Variants in SLC25A13 observed in about 807,000 individuals in gnomAD.
The protein encoded by SLC25A13 is electrogenic aspartate/glutamate antiporter SLC25A13, mitochondrial.
Under a neutral mutation model 85.5 loss-of-function variants are expected in SLC25A13, and 70 were observed. The ratio of observed to expected loss-of-function variants is 0.82; its 90% CI spans 0.68 to 1.00. The LOEUF (loss-of-function observed/expected upper bound fraction) is 1.00. Among genes scored for constraint, SLC25A13 ranks in the 50% least tolerant of loss-of-function variants. SLC25A13 has a pLI of 0.00. For synonymous variants in SLC25A13, 259 were observed against 288.7 expected (o/e 0.90, Z 1.04); for missense variants, 765 against 819.8 (o/e 0.93, Z 0.82).
chr7:96,146,439 A>T (rs1421676123), intron 14 of SLC25A13, 117 bp downstream of exon 14: 8 of 1,366,788 alleles, frequency 5.9e-6, no homozygotes, highest in Non-Finnish European at 8.1e-6. Context: ...GCTTGGGTAG[A>T]ACATCTTCTC....
chr7:96,198,489 C>T (rs1179384053), intron 5 of SLC25A13, among the ~76,000 whole-genome samples: 1 of 152,208 alleles, frequency 6.6e-6, no homozygotes, highest in African/African-American at 2.4e-5. Context: ...ATGCCAAGAA[C>T]TTCAAAGACA....
chr7:96,133,267 C>T (rs565519370), intron 14 of SLC25A13, among the ~76,000 whole-genome samples: 25 of 152,170 alleles, frequency 1.6e-4, no homozygotes, highest in Non-Finnish European at 3.7e-4. Flanking sequence ...TACTGCCAAC[C>T]GGCTCAGGCT....
intron 1 of SLC25A13, among the ~76,000 whole-genome samples, chr7:96,303,210 C>T (rs948046075): frequency 1.3e-5 from 2 of 152,118 alleles, no homozygotes; most frequent in Non-Finnish European, 2.9e-5. Flanking sequence ...CCCAGTCACC[C>T]TCCCAAACCT....
rs1403481477 is a variant in SLC25A13 at position 96,170,082 on chromosome 7, G to A, written c.1274C>T (p.Ser425Leu). ...AAGAATTTCTGCTGCAAGTGGGACC[G>A]AACCATCTTTGTGCATAAATTTATC... Reference protein sequence around the residue: ...VRDKFMHKDGSVPLAAEILAG... With the variant: ...VRDKFMHKDGLVPLAAEILAG... Residue 425 changes from serine to leucine, a missense_variant, in exon 13 of 18, where the codon TCG becomes TTG. By Grantham distance (145) the Ser-to-Leu change is moderately radical. Coordinates refer to ENST00000265631, the MANE Select transcript of SLC25A13 (RefSeq NM_014251.3). 4 of 1,614,028 alleles carry A rather than the reference G, an allele frequency of 2.5e-6. No individual in the cohort carries two copies. The highest frequency in any genetic ancestry group is 2.2e-5 in the South Asian group (2 of 91,086).
At chr7:96,193,550 C>G (rs934889442) in intron 5 of SLC25A13, among the ~76,000 whole-genome samples, 3 of 152,164 alleles carry the variant, frequency 2.0e-5, no homozygotes, top group South Asian at 4.1e-4. Context: ...AAAAACACTG[C>G]CAGGGACTTT....
chr7:96,272,376 T>C (rs1798276434), intron 3 of SLC25A13, among the ~76,000 whole-genome samples: 1 of 152,240 alleles, frequency 6.6e-6, no homozygotes, highest in Non-Finnish European at 1.5e-5. Context: ...GATGTTATTA[T>C]GAACTTTCAA....
At chr7:96,274,685 A>G (rs1798376406) in intron 3 of SLC25A13, among the ~76,000 whole-genome samples, 2 of 152,150 alleles carry the variant, frequency 1.3e-5, no homozygotes, top group African/African-American at 4.8e-5. Context: ...TAATTTTTGT[A>G]TAAGGTGTAA....
In SLC25A13 at chr7:96,321,971, G is replaced by C. The variant is rs1326329321; in HGVS notation, c.-15C>G. On this transcript the variant is annotated 5_prime_UTR_variant, in exon 1 of 18. Transcript: ENST00000265631. Reference sequence around the variant, plus strand: ...GCGGCCGCCATGATTCGCCCCGGTTGCGGGCGACTGCGGGACCCACTGACT... The same window carrying C: ...GCGGCCGCCATGATTCGCCCCGGTTCCGGGCGACTGCGGGACCCACTGACT... 1 of 1,538,796 alleles carries C rather than the reference G, an allele frequency of 6.5e-7. No homozygotes were observed. The highest frequency in any genetic ancestry group is 2.5e-5 in the East Asian group (1 of 39,266).
chr7:96,162,818 T>C (rs1431466425), intron 13 of SLC25A13, among the ~76,000 whole-genome samples: 1 of 151,864 alleles, frequency 6.6e-6, no homozygotes, highest in African/African-American at 2.4e-5. Flanking sequence ...ATGGAGAGAG[T>C]AGCCAGTTCC....
intron 15 of SLC25A13, among the ~76,000 whole-genome samples, 181 bp from the exon 16 acceptor site, chr7:96,122,178 A>G (rs936825940): frequency 6.6e-6 from 1 of 152,138 alleles, no homozygotes; most frequent in African/African-American, 2.4e-5. Flanking sequence ...GTCTGCTCCT[A>G]CACCCCTCCC....
At chr7:96,228,588 G>C (rs1177891469) in intron 4 of SLC25A13, among the ~76,000 whole-genome samples, 1 of 152,180 alleles carries the variant, frequency 6.6e-6, no homozygotes, top group Non-Finnish European at 1.5e-5. Context: ...GCGCCTCCTC[G>C]GCCTCGGCGC....
chr7:96,253,887 A>G (rs1273668486), intron 3 of SLC25A13, among the ~76,000 whole-genome samples: 1 of 152,234 alleles, frequency 6.6e-6, no homozygotes, highest in African/African-American at 2.4e-5. Context: ...ATAAACTGGA[A>G]AAATAATTAT....
rs549387323 is a variant in SLC25A13, at chr7:96,232,560, T to C, written c.328+2242A>G. Among the ~76,000 whole-genome samples, 491 of 144,222 alleles carry C rather than the reference T, an allele frequency of 3.4e-3. 1 individual carries two copies. The highest frequency in any genetic ancestry group is 5.3e-3 in the Non-Finnish European group (358 of 67,108). The allele number at this position is 144,222 out of a possible 152,430, so 94.6% of individuals were successfully genotyped here. Reference sequence around the variant, plus strand: ...CCCCTGTGACACAAATTTACCTATATAGTAAACCTGCACATGTACCCCTGA... The same window carrying C: ...CCCCTGTGACACAAATTTACCTATACAGTAAACCTGCACATGTACCCCTGA... On this transcript the variant is annotated intron_variant, in intron 4 of 17. Transcript: ENST00000265631.
chr7:96,159,059 A>G (rs1989825), intron 13 of SLC25A13, among the ~76,000 whole-genome samples: 74,939 of 152,032 alleles, frequency 0.49, 19,687 homozygotes, highest in African/African-American at 0.69. Context: ...AAAACTGTTC[A>G]CAAGTGCTGA....
At chr7:96,125,980 G>A (rs1791711813) in intron 15 of SLC25A13, among the ~76,000 whole-genome samples, 1 of 151,948 alleles carries the variant, frequency 6.6e-6, no homozygotes, top group Non-Finnish European at 1.5e-5. Flanking sequence ...CCCCTGAATT[G>A]CCTGTTTTCT....
intron 3 of SLC25A13, among the ~76,000 whole-genome samples, chr7:96,253,152 G>A (rs1235398786): frequency 6.6e-6 from 1 of 152,174 alleles, no homozygotes; most frequent in Non-Finnish European, 1.5e-5. Context: ...CAGTGCTTTT[G>A]ATGAGTGTTG....
intron 3 of SLC25A13, among the ~76,000 whole-genome samples, chr7:96,267,080 A>C (rs1295175749): frequency 6.6e-6 from 1 of 152,218 alleles, no homozygotes; most frequent in Non-Finnish European, 1.5e-5. Context: ...GCAAATTGAA[A>C]GACCTCCCCT....
At chr7:96,177,403 AGCAACTT>A (rs1794263985) in intron 11 of SLC25A13, among the ~76,000 whole-genome samples, 1 of 152,244 alleles carries the variant, frequency 6.6e-6, no homozygotes, top group African/African-American at 2.4e-5. Context: ...TCTGCTGACA[AGCAACTT>A]TTCACAATGT....
At chr7:96,249,944 G>A (rs1245114714) in intron 3 of SLC25A13, among the ~76,000 whole-genome samples, 1 of 151,308 alleles carries the variant, frequency 6.6e-6, no homozygotes, top group Admixed American at 6.6e-5. Context: ...AGCACCTTGG[G>A]AGGCTAAGGC....
Sources: allele counts gnomAD v4.1 joint callset (sites outside exome capture counted in the v4.1 genomes callset), GRCh38; gene constraint gnomAD v4.1.1; transcripts MANE v1.5; gene names NCBI Gene and HGNC (gene_info 2026-07-23, HGNC 2026-07-21).